Variants in SEM1 observed in about 807,000 individuals in gnomAD.
The protein encoded by SEM1 is SEM1 26S proteasome subunit, also known as 26S proteasome complex subunit SEM1.
SEM1 carries 3 observed loss-of-function variants against 12.7 expected under a neutral mutation model. That is an observed-to-expected ratio of 0.24 (90% CI 0.11 to 0.61). SEM1 has a LOEUF of 0.61. Among genes scored for constraint, SEM1 ranks in the 20% least tolerant of loss-of-function variants. SEM1 has a pLI of 0.88. For missense variants in SEM1, 59 were observed against 81.3 expected (o/e 0.73, Z 1.06); for synonymous variants, 30 against 27.8 (o/e 1.08, Z -0.25).
At chr7:96,567,193 A>T (rs1335548284) in intron 2 of SEM1, among the ~76,000 whole-genome samples, 1 of 151,592 alleles carries the variant, frequency 6.6e-6, no homozygotes. Context: ...GAGTCTTCTT[A>T]TCCAATAAAA....
chr7:96,491,416 A>G (rs1803002405), intron 1 of SEM1, among the ~76,000 whole-genome samples: 1 of 152,214 alleles, frequency 6.6e-6, no homozygotes, highest in African/African-American at 2.4e-5. Context: ...CAATGAACTG[A>G]GAGGACTGAA....
intron 2 of SEM1, among the ~76,000 whole-genome samples, chr7:96,642,986 C>T (rs1302903548): frequency 6.6e-6 from 1 of 151,920 alleles, no homozygotes; most frequent in African/African-American, 2.4e-5. Context: ...GGTACAAGAG[C>T]AGGTTTGTTA....
intron 2 of SEM1, among the ~76,000 whole-genome samples, chr7:96,651,089 T>C (rs2116452020): frequency 6.6e-6 from 1 of 152,302 alleles, no homozygotes; most frequent in South Asian, 2.1e-4. Context: ...AGCTTTGAAC[T>C]GCACGTGGGT....
At chr7:96,593,032 T>G (rs1806880957) in intron 2 of SEM1, among the ~76,000 whole-genome samples, 1 of 150,804 alleles carries the variant, frequency 6.6e-6, no homozygotes, top group Non-Finnish European at 1.5e-5. Context: ...GCACACTTTC[T>G]TAAAACGTCA....
At chr7:96,627,561 C>T (rs1584815697) in intron 2 of SEM1, among the ~76,000 whole-genome samples, 1 of 151,982 alleles carries the variant, frequency 6.6e-6, no homozygotes, top group African/African-American at 2.4e-5. Context: ...TTAGTTTCCA[C>T]GTACTCGTAT....
intron 2 of SEM1, among the ~76,000 whole-genome samples, chr7:96,531,606 GAA>G (rs5885966): frequency 0.03 from 3,954 of 129,704 alleles, 101 homozygotes; most frequent in East Asian, 0.065. Flanking sequence ...ACTCTGTGTG[GAA>G]AAAAAAAAAA....
chr7:96,596,068 G>A (rs1346822976), intron 2 of SEM1, among the ~76,000 whole-genome samples: 1 of 152,226 alleles, frequency 6.6e-6, no homozygotes, highest in African/African-American at 2.4e-5. Flanking sequence ...TTTGCAAACA[G>A]GTAAAGTAAG....
chr7:96,491,855 C>T (rs1482201941), intron 1 of SEM1, among the ~76,000 whole-genome samples: 1 of 152,078 alleles, frequency 6.6e-6, no homozygotes, highest in Non-Finnish European at 1.5e-5. Flanking sequence ...TTGTGGAGCA[C>T]CTACCAAATA....
chr7:96,506,023 G>A (rs1429563524), intron 3 of SEM1, among the ~76,000 whole-genome samples: 2 of 152,128 alleles, frequency 1.3e-5, no homozygotes, highest in Admixed American at 6.6e-5. Flanking sequence ...GGATTTAAAT[G>A]TATTTGATCA....
intron 2 of SEM1, among the ~76,000 whole-genome samples, chr7:96,652,127 T>C (rs1809011964): frequency 6.6e-6 from 1 of 152,220 alleles, no homozygotes; most frequent in East Asian, 1.9e-4. Context: ...ATCTGCAGGA[T>C]TCATTTAAAT....
At chr7:96,580,381 T>C (rs1002321788) in intron 2 of SEM1, among the ~76,000 whole-genome samples, 1 of 150,638 alleles carries the variant, frequency 6.6e-6, no homozygotes, top group African/African-American at 2.4e-5. Flanking sequence ...GTTGGACATT[T>C]GGGTTGGTTC....
chr7:96,576,950 T>C (rs1806224180), intron 2 of SEM1, among the ~76,000 whole-genome samples: 1 of 152,044 alleles, frequency 6.6e-6, no homozygotes, highest in African/African-American at 2.4e-5. Flanking sequence ...AAACCCCGTT[T>C]CTACTAAAAA....
intron 2 of SEM1, chr7:96,653,691 A>C (rs187918003): frequency 2.2e-4 from 33 of 152,328 alleles, no homozygotes; most frequent in African/African-American, 7.7e-4. Context: ...CCCAATAACT[A>C]ATCTATATCA....
chr7:96,587,096 T>C (rs6959014), intron 2 of SEM1, among the ~76,000 whole-genome samples: 53,554 of 151,994 alleles, frequency 0.35, 9,653 homozygotes, highest in Admixed American at 0.46. Flanking sequence ...AAAAACAATA[T>C]CATAGTCAAA....
intron 2 of SEM1, among the ~76,000 whole-genome samples, chr7:96,625,535 G>A (rs753603113): frequency 6.6e-6 from 1 of 152,166 alleles, no homozygotes; most frequent in African/African-American, 2.4e-5. Context: ...GCTCCCCACT[G>A]CATGAATTAA....
At chr7:96,487,146 T>C (rs879801766) in intron 1 of SEM1, among the ~76,000 whole-genome samples, 3 of 140,418 alleles carry the variant, frequency 2.1e-5, no homozygotes, top group Non-Finnish European at 4.4e-5. Context: ...ACCAGTAAGT[T>C]ACTAACCTGA....
chr7:96,707,212 T>C (rs1395810400), intron 1 of SEM1, among the ~76,000 whole-genome samples: 1 of 152,192 alleles, frequency 6.6e-6, no homozygotes, highest in Admixed American at 6.5e-5. Context: ...TGGATCACAT[T>C]TTGAATAGTA....
At chr7:96,669,435 A>G (rs904166891), downstream of SEM1, among the ~76,000 whole-genome samples, 2 of 152,220 alleles carry the variant, frequency 1.3e-5, no homozygotes, top group Admixed American at 6.6e-5. Flanking sequence ...TTTGAATTTC[A>G]TATAATTTTC....
chr7:96,664,959 T>C (rs982310483), intron 2 of SEM1, among the ~76,000 whole-genome samples: 3 of 152,206 alleles, frequency 2.0e-5, no homozygotes, highest in Non-Finnish European at 4.4e-5. Context: ...ACAATCATTC[T>C]GTGTCCTCTT....
Sources: gnomAD v4.1 joint callset for allele counts (sites outside exome capture counted in the v4.1 genomes callset) on GRCh38, gnomAD v4.1.1 for gene constraint, MANE v1.5 for transcripts, NCBI Gene and HGNC (gene_info 2026-07-23, HGNC 2026-07-21) for gene names.